Variants in MIER3 observed in about 807,000 individuals in gnomAD.
The protein encoded by MIER3 is MIER family member 3.
MIER3 carries 9 observed loss-of-function variants against 63.2 expected under a neutral mutation model. That is an observed-to-expected ratio of 0.14 (90% CI 0.09 to 0.25). The LOEUF (loss-of-function observed/expected upper bound fraction) is 0.25. MIER3 is among the 10% of genes least tolerant of loss of function. The probability of loss-of-function intolerance (pLI) is 1.00; values close to 1 mark genes in which losing one functional copy is unlikely to be tolerated. For synonymous variants in MIER3, 205 were observed against 224.9 expected, an observed-to-expected ratio of 0.91 and a Z score of 0.79; for missense variants, 512 against 666.2, an observed-to-expected ratio of 0.77 and a Z score of 2.55.
chr5:56,927,807 T>C (rs941781834), intron 10 of MIER3: 1 of 152,224 alleles, frequency 6.6e-6, no homozygotes, highest in East Asian at 1.9e-4. Flanking sequence ...CATGTCTCTA[T>C]CATTACAGTA....
intron 7 of MIER3, 54 bp downstream of exon 7, chr5:56,935,374 A>T (rs1294937486): frequency 2.3e-6 from 3 of 1,329,196 alleles, no homozygotes; most frequent in Non-Finnish European, 3.1e-6. Context: ...AAATACACTT[A>T]TCAAGTGGTA....
intron 3 of MIER3, among the ~76,000 whole-genome samples, chr5:56,943,879 T>A (rs1379461866): frequency 6.6e-6 from 1 of 152,218 alleles, no homozygotes; most frequent in Non-Finnish European, 1.5e-5. Flanking sequence ...CTTGGGTATT[T>A]TGTTGAACCT....
At position 56,940,209 on chromosome 5, in the gene MIER3, C is replaced by A. The variant is rs550260952; in HGVS notation, c.181-1192G>T. ...AACTATTTATCATTCGAATAAATAA[C>A]CTCAAAACAATATACTCACGAACTA... On this transcript the variant is annotated intron_variant, in intron 3 of 12. Transcript: ENST00000381199. Among the ~76,000 whole-genome samples, 5 of 152,280 alleles carry A rather than the reference C, an allele frequency of 3.3e-5. No individual in the cohort carries two copies. The Middle Eastern group carries it at 0.017, about 518-fold the overall frequency.
rs1462752763 is a variant in MIER3 at position 56,939,013 on chromosome 5, C to A, written c.185G>T (p.Gly62Val). 6.2e-7 allele frequency: 1 copy of A among 1,613,910 alleles called. No homozygotes were observed. The highest frequency in any genetic ancestry group is 8.5e-7 in the Non-Finnish European group (1 of 1,179,954). Residue 62 changes from glycine to valine, a missense_variant, in exon 4 of 13, where the codon GGA becomes GTA. Around this residue, in one of 5 missense-constraint regions of MIER3, gnomAD observed 98 missense variants for 107.4 expected, o/e 0.91. Transcript: ENST00000381199. ...CAGTAAATCTTCTAGAGGCATGGTT[C>A]CTTCCTGTTCAAGCCAGGGCATAAA... ...SSEIEDLEKEGTMPLEDLLAF... is the reference protein window; with the variant it reads ...SSEIEDLEKEVTMPLEDLLAF...
chr5:56,924,397 G>T (rs1749856067), intron 10 of MIER3, among the ~76,000 whole-genome samples: 1 of 152,084 alleles, frequency 6.6e-6, no homozygotes, highest in Admixed American at 6.5e-5. Context: ...TACAGTGAGG[G>T]TTCTTAACTT....
rs1274740570 is a variant in MIER3, at chr5:56,923,455, G to A, written c.1326C>T (p.Leu442=). ...NHVPVVTEEL[L]TLPSNGESDC... ...CACTTTCCCCATTGCTGGGCAGGGTGAGTAACTCTTCTGTTACAACAGGCA... is the reference window on the plus strand; with the variant it reads ...CACTTTCCCCATTGCTGGGCAGGGTAAGTAACTCTTCTGTTACAACAGGCA... Residue 442 remains leucine, a synonymous_variant, in exon 13 of 13, where the codon CTC becomes CTT. Transcript: ENST00000381199. 6.2e-7 allele frequency: 1 copy of A among 1,614,042 alleles called. No individual in the cohort carries two copies. The highest frequency in any genetic ancestry group is 2.2e-5 in the East Asian group (1 of 44,896).
intron 3 of MIER3, 43 bp downstream of exon 3, chr5:56,946,883 T>G: frequency 7.4e-7 from 1 of 1,347,678 alleles, no homozygotes; most frequent in East Asian, 2.8e-5. Flanking sequence ...CAACAGAATT[T>G]CAAAATCTTT....
chr5:56,930,842 A>C, intron 8 of MIER3, 97 bp from the exon 9 acceptor site: 1 of 938,784 alleles, frequency 1.1e-6, no homozygotes, highest in Non-Finnish European at 1.7e-6. Context: ...GAGTCTTGAT[A>C]AACACTGAAA....
intron 2 of MIER3, among the ~76,000 whole-genome samples, 172 bp downstream of exon 2, chr5:56,950,452 CAAAG>C (rs1017535173): frequency 3.3e-5 from 5 of 151,978 alleles, no homozygotes; most frequent in African/African-American, 7.3e-5. Flanking sequence ...CAAGAGAAAA[CAAAG>C]AACAGTATAA....
chr5:56,935,345 G>C (rs1053547221), intron 7 of MIER3, 83 bp downstream of exon 7: 1 of 1,035,122 alleles, frequency 9.7e-7, no homozygotes, highest in Admixed American at 2.6e-5. Flanking sequence ...TGCCAAGGCT[G>C]GTATAAAGCC....
intron 9 of MIER3, among the ~76,000 whole-genome samples, chr5:56,930,430 A>G (rs1292562939): frequency 6.6e-6 from 1 of 152,066 alleles, no homozygotes; most frequent in African/African-American, 2.4e-5. Context: ...TTTGTTCTGT[A>G]ACTATTTCTT....
At chr5:56,944,839 C>T (rs1750772860) in intron 3 of MIER3, among the ~76,000 whole-genome samples, 1 of 151,948 alleles carries the variant, frequency 6.6e-6, no homozygotes, top group East Asian at 1.9e-4. Context: ...GGGCTACTAG[C>T]ATGCACCATC....
intron 1 of MIER3, among the ~76,000 whole-genome samples, chr5:56,951,439 G>A (rs1030036101): frequency 6.6e-6 from 1 of 152,070 alleles, no homozygotes; most frequent in Non-Finnish European, 1.5e-5. Context: ...CTATCAAGCC[G>A]CTCTCCTGGA....
intron 9 of MIER3, 92 bp from the exon 10 acceptor site, chr5:56,928,953 A>C: frequency 1.4e-6 from 1 of 711,164 alleles, no homozygotes; most frequent in Non-Finnish European, 2.4e-6. Context: ...AAAAGGTCAC[A>C]AACTCTCTCT....
intron 7 of MIER3, 71 bp downstream of exon 7, chr5:56,935,357 G>C: frequency 8.5e-7 from 1 of 1,173,214 alleles, no homozygotes; most frequent in Non-Finnish European, 1.2e-6. Flanking sequence ...TATAAAGCCA[G>C]ATATTTAAAT....
chr5:56,936,068 T>A (rs1463067016), intron 5 of MIER3, among the ~76,000 whole-genome samples: 1 of 151,862 alleles, frequency 6.6e-6, no homozygotes, highest in African/African-American at 2.4e-5. Flanking sequence ...TACAAAAAAA[T>A]TAGCCGGGCG....
rs750736982 is a variant in MIER3, at chr5:56,920,274, T to A, written c.*2854A>T. Reference sequence around the variant, plus strand: ...AAACTAAACATTTAAAAAGCTAGCATGAAAAAGATGAAGTACAACTAACAA... The same window carrying A: ...AAACTAAACATTTAAAAAGCTAGCAAGAAAAAGATGAAGTACAACTAACAA... On this transcript the variant is annotated 3_prime_UTR_variant, in exon 13 of 13. Transcript: ENST00000381199. The A allele has an allele frequency of 6.6e-6, 1 of 152,536 alleles. No homozygotes were observed. Among genetic ancestry groups the A allele is most frequent in the African/African-American group, 2.4e-5 (1 of 41,448 alleles). 9.4% of individuals were successfully genotyped at this position (152,536 alleles called of 1,614,324 possible).
At chr5:56,923,664 C>A (rs572051554) in intron 12 of MIER3, 27 bp downstream of exon 12, 2 of 1,614,102 alleles carry the variant, frequency 1.2e-6, no homozygotes, top group African/African-American at 2.7e-5. Context: ...ACAAACTGTA[C>A]TAAATGCAGA....
intron 3 of MIER3, among the ~76,000 whole-genome samples, chr5:56,940,240 T>C (rs1750596552): frequency 6.6e-6 from 1 of 152,388 alleles, no homozygotes; most frequent in East Asian, 1.9e-4. Flanking sequence ...AACTAGTTAA[T>C]CTGTTAAACA....
Sources: allele counts gnomAD v4.1 joint callset (sites outside exome capture counted in the v4.1 genomes callset), GRCh38; gene constraint gnomAD v4.1.1; regional missense constraint gnomAD v4.1.1; transcripts MANE v1.5; gene names NCBI Gene and HGNC (gene_info 2026-07-23, HGNC 2026-07-21).